CHL1: variants seen among roughly 807,000 people sequenced by gnomAD.
CHL1 encodes the protein neural cell adhesion molecule L1-like protein.
Under a neutral mutation model 141.9 loss-of-function variants are expected in CHL1, and 96 were observed. The ratio of observed to expected loss-of-function variants is 0.68; its 90% CI spans 0.57 to 0.80. CHL1 has a LOEUF of 0.80. Among genes scored for constraint, CHL1 ranks in the 30% least tolerant of loss-of-function variants. The pLI is 0.00. For missense variants in CHL1, 1,820 were observed against 1,457.2 expected, an observed-to-expected ratio of 1.25 and a Z score of -4.05; for synonymous variants, 613 against 502.2, an observed-to-expected ratio of 1.22 and a Z score of -2.95.
chr3:276,770 T>C (rs1372849185), intron 2 of CHL1, among the ~76,000 whole-genome samples: 1 of 151,400 alleles, frequency 6.6e-6, no homozygotes, highest in East Asian at 1.9e-4. Flanking sequence ...GCACCTGTAG[T>C]CCCAGCTACT....
chr3:297,582 CATACA>C (rs369870998), intron 2 of CHL1, among the ~76,000 whole-genome samples: 230 of 152,222 alleles, frequency 1.5e-3, no homozygotes, highest in African/African-American at 5.3e-3. Context: ...ATTTTAAAAT[CATACA>C]ATACTTCAAA....
intron 1 of CHL1, among the ~76,000 whole-genome samples, chr3:242,392 C>A (rs376052917): frequency 7.8e-5 from 11 of 141,094 alleles, no homozygotes; most frequent in South Asian, 4.9e-4. Flanking sequence ...GTCAGGAGAT[C>A]GAGACCATCC....
In CHL1 at chr3:328,314, G is replaced by A. The variant is rs1290092993; in HGVS notation, c.345G>A (p.Leu115=). The stretch of plus-strand genomic sequence containing the variant: ...ACCGCTGCTTTGCTTCAAATAAACT[G>A]GGAATCGCTATGTCAGAAGAAATAG... ...GKYRCFASNK[L]GIAMSEEIEF... The change falls in exon 5 of 28, where the codon CTG becomes CTA. Residue 115 remains leucine, a synonymous_variant. Transcript: ENST00000256509. The A allele has an allele frequency of 1.9e-6, 3 of 1,611,706 alleles. No individual in the cohort carries two copies. The highest frequency in any genetic ancestry group is 1.3e-5 in the African/African-American group (1 of 74,894).
chr3:226,534 C>T (rs1397727565), intron 1 of CHL1, among the ~76,000 whole-genome samples: 1 of 151,562 alleles, frequency 6.6e-6, no homozygotes, highest in Non-Finnish European at 1.5e-5. Flanking sequence ...ACCGCAACCT[C>T]CAACTCCCGG....
chr3:247,336 C>G (rs1167195399), intron 2 of CHL1: 7 of 152,048 alleles, frequency 4.6e-5, no homozygotes. Flanking sequence ...CTTGACCAAT[C>G]TTGCCTCTGT....
At chr3:269,218 G>T (rs1695425822) in intron 2 of CHL1, among the ~76,000 whole-genome samples, 1 of 152,194 alleles carries the variant, frequency 6.6e-6, no homozygotes, top group South Asian at 2.1e-4. Flanking sequence ...TTCTAGCATT[G>T]TGGAATGTGC....
intron 1 of CHL1, among the ~76,000 whole-genome samples, chr3:224,339 T>A (rs1701131142): frequency 6.6e-6 from 1 of 152,224 alleles, no homozygotes; most frequent in African/African-American, 2.4e-5. Context: ...GTCAGATTTC[T>A]CTTTGATATA....
At chr3:289,614 A>G (rs563647698) in intron 2 of CHL1, among the ~76,000 whole-genome samples, 1 of 152,156 alleles carries the variant, frequency 6.6e-6, no homozygotes, top group Non-Finnish European at 1.5e-5. Context: ...CATTTTTGTC[A>G]ATCTATCAAT....
At chr3:328,483 T>C in intron 5 of CHL1, 129 bp downstream of exon 5, 1 of 723,660 alleles carries the variant, frequency 1.4e-6, no homozygotes, top group East Asian at 3.1e-5. Context: ...GTATTTTATT[T>C]ATAAGGAAAA....
intron 2 of CHL1, among the ~76,000 whole-genome samples, chr3:268,798 T>A (rs936810715): frequency 6.6e-6 from 1 of 152,204 alleles, no homozygotes; most frequent in African/African-American, 2.4e-5. Context: ...TGAGTTCAAA[T>A]CCTGAGTTCA....
intron 2 of CHL1, among the ~76,000 whole-genome samples, chr3:255,165 C>G (rs974106011): frequency 6.6e-6 from 1 of 152,162 alleles, no homozygotes; most frequent in African/African-American, 2.4e-5. Flanking sequence ...TGGTTTCCTA[C>G]CATAATTACA....
intron 23 of CHL1, among the ~76,000 whole-genome samples, chr3:393,050 G>T (rs924975081): frequency 6.6e-6 from 1 of 151,974 alleles, no homozygotes; most frequent in Non-Finnish European, 1.5e-5. Flanking sequence ...TGGCTAACAC[G>T]GTGAAACCCC....
At position 389,720 on chromosome 3, in the gene CHL1, T is replaced by C. The variant is rs747453941; in HGVS notation, c.2470+246T>C. Reference sequence around the variant, plus strand: ...TTATTCAGTTTCCTATAAAGCTCTTTCTACATTGAAAATTGAAGACCTGGA... The same window carrying C: ...TTATTCAGTTTCCTATAAAGCTCTTCCTACATTGAAAATTGAAGACCTGGA... On this transcript the variant is annotated intron_variant, in intron 20 of 27. Coordinates refer to ENST00000256509, the MANE Select transcript of CHL1 (RefSeq NM_006614.4). 2.6e-5 allele frequency among the ~76,000 whole-genome samples: 4 copies of C among 152,316 alleles called. No homozygotes were observed. In the South Asian group the frequency reaches 8.3e-4, roughly 32 times the overall value.
At chr3:326,783 C>G (rs1271513281) in intron 4 of CHL1, among the ~76,000 whole-genome samples, 1 of 151,714 alleles carries the variant, frequency 6.6e-6, no homozygotes, top group Non-Finnish European at 1.5e-5. Context: ...TTTTATTATT[C>G]TGCATGATTA....
At chr3:336,088 G>A (rs1170317350) in intron 5 of CHL1, among the ~76,000 whole-genome samples, 4 of 152,104 alleles carry the variant, frequency 2.6e-5, no homozygotes, top group Non-Finnish European at 5.9e-5. Flanking sequence ...TTCAAAGATC[G>A]CATAGGAAGA....
intron 1 of CHL1, among the ~76,000 whole-genome samples, chr3:209,411 A>T (rs931765008): frequency 2.6e-5 from 4 of 152,214 alleles, no homozygotes; most frequent in African/African-American, 9.6e-5. Context: ...GGTGATCTTG[A>T]GTCATTAAGA....
chr3:317,103 G>A (rs987365442), intron 2 of CHL1, among the ~76,000 whole-genome samples: 1 of 151,952 alleles, frequency 6.6e-6, no homozygotes, highest in East Asian at 1.9e-4. Flanking sequence ...TTATGTTGTA[G>A]CCTGTGAACA....
chr3:250,158 T>C (rs1269781692), intron 2 of CHL1, among the ~76,000 whole-genome samples: 4 of 151,944 alleles, frequency 2.6e-5, no homozygotes, highest in Non-Finnish European at 5.9e-5. Context: ...AGAGATGGGG[T>C]CACACTATGT....
chr3:240,199 A>C (rs1692417107), intron 1 of CHL1, among the ~76,000 whole-genome samples: 1 of 152,148 alleles, frequency 6.6e-6, no homozygotes, highest in Admixed American at 6.5e-5. Context: ...GTGCTAGTTG[A>C]CATTCTCACC....
Sources: allele counts gnomAD v4.1 joint callset (sites outside exome capture counted in the v4.1 genomes callset), GRCh38; gene constraint gnomAD v4.1.1; transcripts MANE v1.5; gene names NCBI Gene and HGNC (gene_info 2026-07-23, HGNC 2026-07-21).